MAGI3: variants seen among roughly 807,000 people sequenced by gnomAD.
MAGI3 encodes the protein membrane-associated guanylate kinase, WW and PDZ domain-containing protein 3.
Under a neutral mutation model 121.8 loss-of-function variants are expected in MAGI3, and 43 were observed. The observed-to-expected ratio is 0.35, with a 90% CI of 0.28 to 0.46. The LOEUF (loss-of-function observed/expected upper bound fraction) is 0.46, where lower values mean the gene tolerates loss of function less well. Ranked by LOEUF, MAGI3 falls within the 20% of genes least tolerant of loss-of-function variation. The pLI is 1.00. For missense variants in MAGI3, 1,547 were observed against 1,797.3 expected (o/e 0.86, Z 2.52); for synonymous variants, 553 against 639.3 (o/e 0.86, Z 2.04).
intron 2 of MAGI3, among the ~76,000 whole-genome samples, chr1:113,561,610 A>G (rs1287420819): frequency 6.6e-6 from 1 of 152,218 alleles, no homozygotes; most frequent in African/African-American, 2.4e-5. Flanking sequence ...GAAGAAACAT[A>G]TCTCAAAATA....
chr1:113,585,259 T>G, intron 3 of MAGI3, 128 bp from the exon 4 acceptor site: 2 of 796,458 alleles, frequency 2.5e-6, no homozygotes, highest in Non-Finnish European at 4.0e-6. Flanking sequence ...TGAGCCACCA[T>G]GCCCACCCCT....
chr1:113,647,769 G>T (rs543926186), intron 12 of MAGI3, among the ~76,000 whole-genome samples: 1 of 152,096 alleles, frequency 6.6e-6, no homozygotes, highest in Non-Finnish European at 1.5e-5. Context: ...CCAGTTGTAC[G>T]CCCAGCAAAG....
intron 1 of MAGI3, among the ~76,000 whole-genome samples, chr1:113,461,678 C>G (rs573993875): frequency 6.6e-6 from 1 of 152,128 alleles, no homozygotes; most frequent in Non-Finnish European, 1.5e-5. Context: ...GATTTTATGA[C>G]AAAGACACCA....
At chr1:113,591,759 T>G (rs1648706026) in intron 5 of MAGI3, among the ~76,000 whole-genome samples, 1 of 152,200 alleles carries the variant, frequency 6.6e-6, no homozygotes, top group Non-Finnish European at 1.5e-5. Flanking sequence ...TCATGCTGAC[T>G]TTAGAACTAA....
chr1:113,683,633 G>GA lies in MAGI3; in HGVS notation c.4072dup (p.Ile1358AsnfsTer6), dbSNP rs1278102315. 6 of 1,611,906 alleles carry GA rather than the reference G, an allele frequency of 3.7e-6. No individual in the cohort carries two copies. The highest frequency in any genetic ancestry group is 4.2e-6 in the Non-Finnish European group (5 of 1,179,308). ...AAAAAAGCAGAACAAGGTCTCCAGA[G>GA]AAAAAAATCAAAAGAATGGTTGAGA... On this transcript the variant is annotated frameshift_variant, in exon 21 of 21. Transcript: ENST00000307546. LOFTEE classifies it low-confidence loss of function (END_TRUNC).
intron 1 of MAGI3, among the ~76,000 whole-genome samples, chr1:113,454,279 T>G (rs1243519295): frequency 6.6e-6 from 1 of 152,198 alleles, no homozygotes; most frequent in African/African-American, 2.4e-5. Flanking sequence ...AGCTCAGTCT[T>G]TAGCCTGATT....
chr1:113,543,795 G>A lies in MAGI3; in HGVS notation c.317-5720G>A, dbSNP rs370124644. On this transcript the variant is annotated intron_variant, in intron 1 of 20. Transcript: ENST00000307546. ...AGGTGGGAGGATTGCTGGAGCCCCC[G>A]AGGCGGAGGTTGCAGTGAGCCGAGA... 1.1e-4 allele frequency among the ~76,000 whole-genome samples: 16 copies of A among 151,654 alleles called. No individual in the cohort carries two copies. The South Asian group carries it at 2.9e-3, about 28-fold the overall frequency.
In MAGI3 at chr1:113,683,369, G is replaced by C; in HGVS notation, c.3801G>C (p.Gln1267His). The C allele has an allele frequency of 6.2e-7, 1 of 1,614,002 alleles. No homozygotes were observed. The highest frequency in any genetic ancestry group is 8.5e-7 in the Non-Finnish European group (1 of 1,179,898). The change falls in exon 21 of 21, where the codon CAG (glutamine) becomes CAC (histidine). Residue 1267 changes from glutamine to histidine, a missense_variant. Transcript: ENST00000307546. ...GCAAAGGGGAAAATAAAAGTTGTCAGGTCAGCACCAGGGCAGGCTCTGGAC... is the reference window on the plus strand; with the variant it reads ...GCAAAGGGGAAAATAAAAGTTGTCACGTCAGCACCAGGGCAGGCTCTGGAC... ...SPSKGENKSCQVSTRAGSGQD... is the reference protein window; with the variant it reads ...SPSKGENKSCHVSTRAGSGQD...
intron 2 of MAGI3, among the ~76,000 whole-genome samples, chr1:113,564,585 A>G (rs1181693884): frequency 6.6e-6 from 1 of 152,064 alleles, no homozygotes; most frequent in East Asian, 1.9e-4. Flanking sequence ...TTAAGGAGAC[A>G]TTGGTTGGGC....
At chr1:113,624,900 T>C (rs1651122993) in intron 9 of MAGI3, among the ~76,000 whole-genome samples, 1 of 152,212 alleles carries the variant, frequency 6.6e-6, no homozygotes, top group African/African-American at 2.4e-5. Context: ...CAGCGAGAGA[T>C]AGAAGTCAAG....
chr1:113,684,027 A>C lies in MAGI3; in HGVS notation c.*13A>C. On this transcript the variant is annotated 3_prime_UTR_variant, in exon 21 of 21. Coordinates refer to ENST00000307546, the MANE Select transcript of MAGI3 (RefSeq NM_001142782.2). ...GAAACGGCAGTAACCTTTAGTATAA[A>C]ACAAAGAAAAACAAGTTGTAATCTT... 6.6e-7 allele frequency: 1 copy of C among 1,512,344 alleles called. No homozygotes were observed. The highest frequency in any genetic ancestry group is 1.8e-4 in the Middle Eastern group (1 of 5,708). 93.7% of individuals were successfully genotyped at this position (1,512,344 alleles called of 1,614,324 possible).
intron 18 of MAGI3, 77 bp downstream of exon 18, chr1:113,672,818 A>G (rs1647642916): frequency 6.7e-7 from 1 of 1,501,916 alleles, no homozygotes; most frequent in East Asian, 2.3e-5. Context: ...TTTTATTGCA[A>G]ATCAGTTCAG....
chr1:113,443,891 A>T (rs1025971648), intron 1 of MAGI3, among the ~76,000 whole-genome samples: 3 of 152,200 alleles, frequency 2.0e-5, no homozygotes, highest in African/African-American at 7.2e-5. Flanking sequence ...TATGCATTTC[A>T]GTGGTTTTTA....
Position 113,682,915 on chromosome 1 carries a change from A to C in MAGI3, c.3347A>C (p.Asn1116Thr). 6.3e-7 allele frequency: 1 copy of C among 1,583,550 alleles called. No homozygotes were observed. Among genetic ancestry groups the C allele is most frequent in the Non-Finnish European group, 8.6e-7 (1 of 1,168,932 alleles). ...IPDHGDWDIN[N>T]PSSSNVIYDE... is the part of the protein sequence containing the mutation. ...TTTTTAGGTGATTGGGATATTAATA[A>C]TCCTTCGTCTTCAAATGTGATTTAT... Residue 1116 changes from asparagine (N) to threonine (T), a missense_variant, in exon 21 of 21, where the codon AAT (asparagine) becomes ACT (threonine). Transcript: ENST00000307546.
intron 4 of MAGI3, among the ~76,000 whole-genome samples, chr1:113,587,897 T>G (rs1359039925): frequency 1.3e-5 from 2 of 152,232 alleles, no homozygotes; most frequent in African/African-American, 4.8e-5. Flanking sequence ...CTATCATTTT[T>G]TCTGCATACA....
chr1:113,542,973 A>G (rs780700318), intron 1 of MAGI3, among the ~76,000 whole-genome samples: 1 of 152,178 alleles, frequency 6.6e-6, no homozygotes, highest in East Asian at 1.9e-4. Context: ...AAATGGGAAT[A>G]ATAATAACAC....
intron 9 of MAGI3, among the ~76,000 whole-genome samples, chr1:113,639,376 GC>G (rs1381895061): frequency 1.3e-5 from 2 of 152,142 alleles, no homozygotes; most frequent in Non-Finnish European, 2.9e-5. Flanking sequence ...GGCCATCTCG[GC>G]TCCCACCTGT....
chr1:113,527,750 A>G (rs972703237), intron 1 of MAGI3, among the ~76,000 whole-genome samples: 2 of 152,232 alleles, frequency 1.3e-5, no homozygotes, highest in African/African-American at 4.8e-5. Context: ...TAAAAGATTC[A>G]TTCTTAATTG....
Position 113,683,024 on chromosome 1 carries a change from G to C in MAGI3, c.3456G>C (p.Leu1152Phe). The part of the protein sequence containing the change: ...ESHVPVIEES[L>F]RVQICEKAEE... ...ACGTGCCAGTAATTGAAGAATCTTT[G>C]AGAGTTCAGATATGTGAAAAGGCAG... The change falls in exon 21 of 21, where the codon TTG becomes TTC. Residue 1152 changes from leucine to phenylalanine, a missense_variant. Physicochemically the swap from Leu to Phe is conservative, Grantham distance 22. Transcript: ENST00000307546. 3 of 1,613,882 alleles carry C rather than the reference G, an allele frequency of 1.9e-6. No individual in the cohort carries two copies. Among genetic ancestry groups the C allele is most frequent in the Non-Finnish European group, 2.5e-6 (3 of 1,179,876 alleles).
Sources: gnomAD v4.1 joint callset for allele counts (sites outside exome capture counted in the v4.1 genomes callset) on GRCh38, gnomAD v4.1.1 for gene constraint, MANE v1.5 for transcripts, NCBI Gene and HGNC (gene_info 2026-07-23, HGNC 2026-07-21) for gene names.